MTSS1: variants seen among roughly 807,000 people sequenced by gnomAD.
The protein encoded by MTSS1 is MTSS I-BAR domain containing 1, also known as protein MTSS 1.
A neutral mutation model predicts 79.0 loss-of-function variants in MTSS1; 18 were observed. That is an observed-to-expected ratio of 0.23 (90% CI 0.16 to 0.34). The LOEUF (loss-of-function observed/expected upper bound fraction) is 0.34. Among genes scored for constraint, MTSS1 ranks in the 10% least tolerant of loss-of-function variants. MTSS1 has a pLI of 1.00. For missense variants in MTSS1, 815 were observed against 986.2 expected (o/e 0.83, Z 2.33); for synonymous variants, 341 against 368.6 (o/e 0.93, Z 0.86).
At chr8:124,700,868 G>A (rs533712908) in intron 2 of MTSS1, among the ~76,000 whole-genome samples, 9 of 152,258 alleles carry the variant, frequency 5.9e-5, no homozygotes, top group East Asian at 3.9e-4. Flanking sequence ...TTTACTGAGC[G>A]TTCCTAAGGA....
At chr8:124,677,226 T>G (rs1358330069) in intron 3 of MTSS1, among the ~76,000 whole-genome samples, 2 of 152,158 alleles carry the variant, frequency 1.3e-5, no homozygotes, top group African/African-American at 4.8e-5. Flanking sequence ...ACACTTAAAT[T>G]TTACCAAAGG....
At chr8:124,571,266 C>T (rs1364385481) in intron 6 of MTSS1, among the ~76,000 whole-genome samples, 1 of 152,200 alleles carries the variant, frequency 6.6e-6, no homozygotes, top group Admixed American at 6.5e-5. Context: ...GGCTGGGTGC[C>T]ACCAGCACTA....
intron 3 of MTSS1, among the ~76,000 whole-genome samples, chr8:124,662,695 A>G (rs1822285408): frequency 6.7e-6 from 1 of 148,784 alleles, no homozygotes; most frequent in Non-Finnish European, 1.5e-5. Context: ...ATTATTTATT[A>G]TATTTGTAAA....
intron 6 of MTSS1, among the ~76,000 whole-genome samples, chr8:124,574,000 T>C (rs1359017856): frequency 6.8e-6 from 1 of 147,404 alleles, no homozygotes; most frequent in Non-Finnish European, 1.5e-5. Flanking sequence ...AAGGAAGGAA[T>C]TTTTTTTTTT....
At chr8:124,702,385 G>A (rs982214135) in intron 2 of MTSS1, among the ~76,000 whole-genome samples, 8 of 152,134 alleles carry the variant, frequency 5.3e-5, no homozygotes, top group Non-Finnish European at 7.3e-5. Flanking sequence ...GAGCAGGGGA[G>A]GTGGGATCTG....
chr8:124,703,561 G>C (rs186065543), intron 2 of MTSS1, among the ~76,000 whole-genome samples: 416 of 152,282 alleles, frequency 2.7e-3, no homozygotes, highest in Non-Finnish European at 4.6e-3. Context: ...AAAGTACTGG[G>C]ATTACAGGTG....
rs79086117 is a variant in MTSS1, at chr8:124,582,748, C to T, written c.460+2339G>A. On this transcript the variant is annotated intron_variant, in intron 6 of 13. Coordinates refer to ENST00000518547, the MANE Select transcript of MTSS1 (RefSeq NM_014751.6). The surrounding 1 kb of genome is among the most constrained non-coding windows in gnomAD (Gnocchi z 4.8). Reference sequence around the variant, plus strand: ...CTTGAAGGAGATGAAACAGATCCCTCGAGGTGTTCTAGTAGAAAGGGAAAT... The same window carrying T: ...CTTGAAGGAGATGAAACAGATCCCTTGAGGTGTTCTAGTAGAAAGGGAAAT... 8.1e-3 allele frequency among the ~76,000 whole-genome samples: 1,227 copies of T among 152,302 alleles called. 13 individuals are homozygous for T. The highest frequency in any genetic ancestry group is 0.027 in the African/African-American group (1,141 of 41,546).
intron 3 of MTSS1, among the ~76,000 whole-genome samples, chr8:124,615,790 AG>A (rs1836732295): frequency 6.6e-6 from 1 of 152,178 alleles, no homozygotes; most frequent in African/African-American, 2.4e-5. Flanking sequence ...ATGATTCTGG[AG>A]GGGAAACTGA....
At chr8:124,694,062 G>A (rs553678245) in intron 3 of MTSS1, among the ~76,000 whole-genome samples, 40 of 152,236 alleles carry the variant, frequency 2.6e-4, no homozygotes, top group African/African-American at 8.9e-4. Context: ...TCTAACTACC[G>A]CATATAGACT....
At chr8:124,622,066 GA>G in intron 3 of MTSS1, among the ~76,000 whole-genome samples, 1 of 79,060 alleles carries the variant, frequency 1.3e-5, no homozygotes, top group Middle Eastern at 5.4e-3. Context: ...GAGAAAGAGA[GA>G]GAGAGAGAGA....
Position 124,672,899 on chromosome 8 carries a change from A to G in MTSS1, c.208+26627T>C, listed in dbSNP as rs191952318. ...TGCATACACACACACATGCACACAC[A>G]CACATGCACACATATATATGGAGAA... is the stretch of plus-strand genomic sequence containing the variant. On this transcript the variant is annotated intron_variant, in intron 3 of 13. Coordinates refer to ENST00000518547, the MANE Select transcript of MTSS1 (RefSeq NM_014751.6). 3.4e-3 allele frequency among the ~76,000 whole-genome samples: 513 copies of G among 152,146 alleles called. 2 individuals carry two copies. Among genetic ancestry groups the G allele is most frequent in the African/African-American group, 0.012 (500 of 41,492 alleles).
intron 5 of MTSS1, among the ~76,000 whole-genome samples, chr8:124,585,560 G>A (rs185840291): frequency 4.6e-5 from 7 of 151,892 alleles, no homozygotes; most frequent in Admixed American, 1.3e-4. Context: ...GATTACAGGC[G>A]CCCACCACCA....
At chr8:124,623,444 C>T (rs1814007281) in intron 3 of MTSS1, among the ~76,000 whole-genome samples, 1 of 152,168 alleles carries the variant, frequency 6.6e-6, no homozygotes, top group Admixed American at 6.5e-5. Context: ...ATAACCAAAT[C>T]CAACACCTAA....
At chr8:124,605,536 G>A (rs1325707452) in intron 3 of MTSS1, among the ~76,000 whole-genome samples, 6 of 151,654 alleles carry the variant, frequency 4.0e-5, no homozygotes, top group Non-Finnish European at 5.9e-5. Context: ...TGCGGAGACA[G>A]CCCTCGCACT....
intron 7 of MTSS1, 106 bp from the exon 8 acceptor site, chr8:124,567,284 C>A: frequency 1.1e-6 from 1 of 939,068 alleles, no homozygotes; most frequent in Non-Finnish European, 1.6e-6. Flanking sequence ...TTCAGTTTTT[C>A]AGAAAAGGCA....
intron 6 of MTSS1, among the ~76,000 whole-genome samples, chr8:124,578,658 G>A (rs147174324): frequency 0.025 from 3,830 of 152,192 alleles, 144 homozygotes; most frequent in African/African-American, 0.086. Flanking sequence ...TGCCGGGTGT[G>A]GTGGCAGGCA....
At chr8:124,561,871 GCT>G (rs1825408169) in intron 10 of MTSS1, among the ~76,000 whole-genome samples, 1 of 152,118 alleles carries the variant, frequency 6.6e-6, no homozygotes, top group South Asian at 2.1e-4. Context: ...GTGGCTCTTG[GCT>G]CTGAGTGCGT....
intron 3 of MTSS1, among the ~76,000 whole-genome samples, chr8:124,654,993 AT>A (rs1188287989): frequency 6.6e-6 from 1 of 152,264 alleles, no homozygotes; most frequent in Non-Finnish European, 1.5e-5. Flanking sequence ...TATTGCTTTA[AT>A]ATCAAAGGCA....
chr8:124,650,872 C>A (rs768826861), intron 3 of MTSS1, among the ~76,000 whole-genome samples: 13 of 152,184 alleles, frequency 8.5e-5, no homozygotes, highest in Non-Finnish European at 1.5e-4. Context: ...GGCCCGGATT[C>A]AAATTTCAAC....
Sources: gnomAD v4.1 joint callset for allele counts (sites outside exome capture counted in the v4.1 genomes callset) on GRCh38, gnomAD v4.1.1 for gene constraint, Gnocchi (gnomAD v3.1) non-coding constraint, MANE v1.5 for transcripts, NCBI Gene and HGNC (gene_info 2026-07-23, HGNC 2026-07-21) for gene names.